Variants in CNTN4 observed in about 807,000 individuals in gnomAD.
The protein encoded by CNTN4 is contactin 4, also known as contactin-4.
A neutral mutation model predicts 122.5 loss-of-function variants in CNTN4; 77 were observed. The observed-to-expected ratio is 0.63, with a 90% CI of 0.52 to 0.76. CNTN4 has a LOEUF of 0.76. Ranked by LOEUF, CNTN4 falls within the 30% of genes least tolerant of loss-of-function variation. CNTN4 has a pLI of 0.00. For synonymous variants in CNTN4, 512 were observed against 447.0 expected, an observed-to-expected ratio of 1.15 and a Z score of -1.83; for missense variants, 1,256 against 1,259.1, an observed-to-expected ratio of 1.00 and a Z score of 0.04.
chr3:3,009,483 G>A (rs1301366780), intron 14 of CNTN4, among the ~76,000 whole-genome samples: 1 of 151,732 alleles, frequency 6.6e-6, no homozygotes, highest in Non-Finnish European at 1.5e-5. Flanking sequence ...GCCCAGGCTG[G>A]AGTGCAGTGG....
At chr3:2,315,288 C>G (rs755529983) in intron 2 of CNTN4, among the ~76,000 whole-genome samples, 7 of 151,700 alleles carry the variant, frequency 4.6e-5, no homozygotes, top group Non-Finnish European at 7.4e-5. Flanking sequence ...ATTGATTTAA[C>G]TTAGGTAATT....
intron 14 of CNTN4, among the ~76,000 whole-genome samples, chr3:3,011,024 T>C (rs1697172969): frequency 6.6e-6 from 1 of 152,184 alleles, no homozygotes; most frequent in Non-Finnish European, 1.5e-5. Context: ...TCATGCAGCA[T>C]GCCTCAGGTG....
chr3:2,181,238 A>C (rs1219209912), intron 2 of CNTN4, among the ~76,000 whole-genome samples: 1 of 152,208 alleles, frequency 6.6e-6, no homozygotes, highest in East Asian at 1.9e-4. Context: ...CTTAAAGAGG[A>C]ATAAGAAAAC....
chr3:2,103,712 T>C (rs1470836521), intron 2 of CNTN4, among the ~76,000 whole-genome samples: 2 of 123,648 alleles, frequency 1.6e-5, no homozygotes, highest in Non-Finnish European at 3.5e-5. Context: ...TGCAAAATTA[T>C]TTTTTATTTA....
intron 2 of CNTN4, among the ~76,000 whole-genome samples, chr3:2,237,401 A>C (rs1396221912): frequency 6.6e-6 from 1 of 152,118 alleles, no homozygotes; most frequent in Non-Finnish European, 1.5e-5. Flanking sequence ...CTTGAGGCCA[A>C]GAGTTGAAGC....
At chr3:2,886,592 A>G (rs1431896994) in intron 9 of CNTN4, among the ~76,000 whole-genome samples, 1 of 148,156 alleles carries the variant, frequency 6.7e-6, no homozygotes, top group Admixed American at 6.7e-5. Context: ...GCTCACTGCA[A>G]CCTCCGCTTC....
chr3:2,743,762 G>A lies in CNTN4; in HGVS notation c.183-1760G>A, dbSNP rs534312505. On this transcript the variant is annotated intron_variant, in intron 5 of 24. Transcript: ENST00000418658. Reference sequence around the variant, plus strand: ...AAAAGCAGCATTCCTACATAAAGGAGCATGGACAATTCCGTAGGAGATTGG... The same window carrying A: ...AAAAGCAGCATTCCTACATAAAGGAACATGGACAATTCCGTAGGAGATTGG... Among the ~76,000 whole-genome samples the A allele has an allele frequency of 2.6e-5, 4 of 152,306 alleles. No individual in the cohort carries two copies. In the South Asian group the frequency reaches 8.3e-4, roughly 32 times the overall value.
intron 7 of CNTN4, among the ~76,000 whole-genome samples, chr3:2,853,214 T>G (rs2093575240): frequency 6.6e-6 from 1 of 151,280 alleles, no homozygotes; most frequent in African/African-American, 2.4e-5. Flanking sequence ...CACTAGGGAG[T>G]TTTTTATAAA....
intron 13 of CNTN4, among the ~76,000 whole-genome samples, chr3:2,950,300 G>A (rs915813090): frequency 1.3e-5 from 2 of 151,532 alleles, no homozygotes; most frequent in African/African-American, 4.9e-5. Context: ...AACTCAGGTT[G>A]TCTGGCATCT....
chr3:2,228,307 A>G (rs2039361847), intron 2 of CNTN4, among the ~76,000 whole-genome samples: 1 of 152,132 alleles, frequency 6.6e-6, no homozygotes, highest in Non-Finnish European at 1.5e-5. Flanking sequence ...TCAAAATAAT[A>G]ATAATATTTC....
At position 2,416,939 on chromosome 3, in the gene CNTN4, C is replaced by T. The variant is rs141253068; in HGVS notation, c.-89+77706C>T. On this transcript the variant is annotated intron_variant, in intron 3 of 24. Transcript: ENST00000418658. ...AAAGTGCTGGGATTACACGCGTGAG[C>T]CACCGCGCCCGGCCCAGTGTCGCAA... Among the ~76,000 whole-genome samples the T allele has an allele frequency of 3.7e-3, 562 of 151,816 alleles. 4 individuals carry two copies. Among genetic ancestry groups the T allele is most frequent in the African/African-American group, 0.013 (550 of 41,418 alleles).
chr3:2,613,340 T>C (rs2081578959), intron 4 of CNTN4, among the ~76,000 whole-genome samples: 1 of 152,144 alleles, frequency 6.6e-6, no homozygotes, highest in African/African-American at 2.4e-5. Context: ...AAGGATATCA[T>C]GATCATTTAC....
intron 8 of CNTN4, among the ~76,000 whole-genome samples, chr3:2,873,471 G>A (rs2093809082): frequency 6.6e-6 from 1 of 152,208 alleles, no homozygotes; most frequent in Non-Finnish European, 1.5e-5. Flanking sequence ...ATACCTCCTA[G>A]TGGCTCAGAA....
Position 2,662,972 on chromosome 3 carries a change from T to G in CNTN4, c.56-73243T>G, listed in dbSNP as rs150647236. On this transcript the variant is annotated intron_variant, in intron 4 of 24. Transcript: ENST00000418658. ...CAAAAATTAGCTGGGTGTGATGGTGTGTGCCTGTAATCCCAGCTGCTCAGG... is the reference window on the plus strand; with the variant it reads ...CAAAAATTAGCTGGGTGTGATGGTGGGTGCCTGTAATCCCAGCTGCTCAGG... Among the ~76,000 whole-genome samples, 9 of 152,012 alleles carry G rather than the reference T, an allele frequency of 5.9e-5. No individual in the cohort carries two copies. The East Asian group carries it at 1.2e-3, about 20-fold the overall frequency.
intron 3 of CNTN4, among the ~76,000 whole-genome samples, chr3:2,445,871 G>A (rs557707934): frequency 9.9e-5 from 15 of 152,128 alleles, no homozygotes; most frequent in African/African-American, 3.6e-4. Flanking sequence ...TCAATTTGAG[G>A]TTTTGCAGAG....
chr3:2,308,506 T>A (rs1324036426), intron 2 of CNTN4, among the ~76,000 whole-genome samples: 1 of 152,104 alleles, frequency 6.6e-6, no homozygotes, highest in Non-Finnish European at 1.5e-5. Context: ...TTATTCTTTT[T>A]AAATATACGC....
At chr3:2,660,254 T>C (rs1014841611) in intron 4 of CNTN4, among the ~76,000 whole-genome samples, 2 of 152,158 alleles carry the variant, frequency 1.3e-5, no homozygotes, top group Admixed American at 6.5e-5. Flanking sequence ...CTCAAAACAT[T>C]TTTTAAAAAA....
intron 3 of CNTN4, among the ~76,000 whole-genome samples, chr3:2,517,529 G>A (rs148314440): frequency 3.3e-5 from 5 of 152,146 alleles, no homozygotes; most frequent in Admixed American, 6.5e-5. Flanking sequence ...AAGTTCTTAC[G>A]GTAGGGCGTA....
intron 3 of CNTN4, among the ~76,000 whole-genome samples, chr3:2,410,203 A>G (rs984942874): frequency 7.2e-5 from 11 of 152,106 alleles, no homozygotes; most frequent in African/African-American, 2.4e-4. Context: ...AAGATGGAGG[A>G]CCCTCCCATG....
Sources: allele counts gnomAD v4.1 joint callset (sites outside exome capture counted in the v4.1 genomes callset), GRCh38; gene constraint gnomAD v4.1.1; transcripts MANE v1.5; gene names NCBI Gene and HGNC (gene_info 2026-07-23, HGNC 2026-07-21).